ZNF805: variants seen among roughly 807,000 people sequenced by gnomAD.
ZNF805 encodes CTC-444N24.8.
A neutral mutation model predicts 13.6 loss-of-function variants in ZNF805; 7 were observed. The ratio of observed to expected loss-of-function variants is 0.51; its 90% CI spans 0.29 to 0.97. ZNF805 has a LOEUF of 0.97. Ranked by LOEUF, ZNF805 falls within the 50% of genes least tolerant of loss-of-function variation. The pLI, the probability that ZNF805 is intolerant of heterozygous loss-of-function variation, is 0.08. For synonymous variants in ZNF805, 293 were observed against 279.8 expected, an observed-to-expected ratio of 1.05 and a Z score of -0.47; for missense variants, 604 against 771.0, an observed-to-expected ratio of 0.78 and a Z score of 2.57.
chr19:57,245,564 G>A (rs1161453125), intron 2 of ZNF805, among the ~76,000 whole-genome samples: 2 of 150,310 alleles, frequency 1.3e-5, no homozygotes, highest in East Asian at 2.0e-4. Context: ...CGGATCACAA[G>A]GTCAGGAGAT....
At chr19:57,244,098 T>C in intron 2 of ZNF805, 49 bp downstream of exon 2, 1 of 1,588,434 alleles carries the variant, frequency 6.3e-7, no homozygotes, top group East Asian at 2.2e-5. Flanking sequence ...CCTCCTTCGT[T>C]CCACCCTCTG....
In ZNF805 at chr19:57,254,029, T is replaced by C. The variant is rs2087669868; in HGVS notation, c.1210T>C (p.Cys404Arg). The C allele has an allele frequency of 3.1e-6, 5 of 1,612,976 alleles. No homozygotes were observed. The highest frequency in any genetic ancestry group is 4.2e-6 in the Non-Finnish European group (5 of 1,179,610). Residue 404 changes from cysteine (C) to arginine (R), a missense_variant, in exon 4 of 4, where the codon TGT becomes CGT. Cys to Arg is a radical substitution (Grantham distance 180, BLOSUM62 -3). This residue lies in a region of ZNF805 where 228 missense variants were observed against 352.8 expected (regional missense o/e 0.65). Coordinates refer to ENST00000414468, the MANE Select transcript of ZNF805 (RefSeq NM_001023563.4). ...TGEKPFECLE[C>R]GKAFNHRSYL... ...AGAGAAGCCCTTTGAGTGCCTCGAGTGTGGGAAGGCTTTCAACCACCGATC... is the reference window on the plus strand; with the variant it reads ...AGAGAAGCCCTTTGAGTGCCTCGAGCGTGGGAAGGCTTTCAACCACCGATC...
rs371888285 is a variant in ZNF805 at position 57,251,493 on chromosome 19, AT to A, written c.254-1575del. ...TCTTTGGCTTTCTCTTTTTGATTTT[AT>A]TTTTGTACATTATAGATACCTATCT... On this transcript the variant is annotated intron_variant, in intron 3 of 3. Transcript: ENST00000414468. Among the ~76,000 whole-genome samples, 840 of 151,656 alleles carry A rather than the reference AT, an allele frequency of 5.5e-3. 1 individual carries two copies. The highest frequency in any genetic ancestry group is 9.2e-3 in the Non-Finnish European group (624 of 67,852).
At chr19:57,246,749 C>T (rs963998070) in intron 2 of ZNF805, among the ~76,000 whole-genome samples, 9 of 148,642 alleles carry the variant, frequency 6.1e-5, no homozygotes, top group Non-Finnish European at 1.2e-4. Context: ...GCACTCCAGC[C>T]TGATGACAGA....
At chr19:57,242,019 T>C (rs1269597901) in intron 1 of ZNF805, among the ~76,000 whole-genome samples, 2 of 152,250 alleles carry the variant, frequency 1.3e-5, no homozygotes, top group African/African-American at 2.4e-5. Flanking sequence ...ACTGTAACGG[T>C]TGGCCTTCAT....
rs2087718269 is a variant in ZNF805 at position 57,260,571 on chromosome 19, T to C, written c.*5868T>C. On this transcript the variant is annotated 3_prime_UTR_variant, in exon 4 of 4. Transcript: ENST00000414468. ...TCTGTGAATTCCTGGCTTTTTTCCTTTTTAGGGTCTGTGTCTTTCTTCCAT... is the reference window on the plus strand; with the variant it reads ...TCTGTGAATTCCTGGCTTTTTTCCTCTTTAGGGTCTGTGTCTTTCTTCCAT... 6.6e-6 allele frequency among the ~76,000 whole-genome samples: 1 copy of C among 152,194 alleles called. No individual in the cohort carries two copies. Among genetic ancestry groups the C allele is most frequent in the African/African-American group, 2.4e-5 (1 of 41,456 alleles).
At chr19:57,242,091 C>T (rs941821954) in intron 1 of ZNF805, among the ~76,000 whole-genome samples, 1 of 152,188 alleles carries the variant, frequency 6.6e-6, no homozygotes, top group African/African-American at 2.4e-5. Flanking sequence ...TCCTGATCTC[C>T]TTAAAGTGAC....
In ZNF805 at chr19:57,243,994, G is replaced by A. The variant is rs191990263; in HGVS notation, c.102G>A (p.Gln34=). Residue 34 remains glutamine (Q), a synonymous_variant, in exon 2 of 4, where the codon CAG becomes CAA. Coordinates refer to ENST00000414468, the MANE Select transcript of ZNF805 (RefSeq NM_001023563.4). ...AGTGGGGCCAGCTGGACCTAGCTCA[G>A]CGGACCCTGTACCAGGAGGTGATGC... ...QEEWGQLDLA[Q]RTLYQEVMLE... The A allele has an allele frequency of 3.1e-6, 5 of 1,614,140 alleles. No individual in the cohort carries two copies. Among genetic ancestry groups the A allele is most frequent in the African/African-American group, 2.7e-5 (2 of 75,024 alleles).
Position 57,259,599 on chromosome 19 carries a change from C to T in ZNF805, c.*4896C>T, listed in dbSNP as rs1451397566. On this transcript the variant is annotated 3_prime_UTR_variant, in exon 4 of 4. Coordinates refer to ENST00000414468, the MANE Select transcript of ZNF805 (RefSeq NM_001023563.4). ...TCTGCTCACTGCAAGCTCTGCCTCC[C>T]GGGTTCATGCCATTCTCCTGCCTCA... Among the ~76,000 whole-genome samples, 3 of 152,102 alleles carry T rather than the reference C, an allele frequency of 2.0e-5. No homozygotes were observed. The highest frequency in any genetic ancestry group is 2.9e-5 in the Non-Finnish European group (2 of 68,008).
chr19:57,248,496 G>A (rs928623162), intron 2 of ZNF805, 109 bp from the exon 3 acceptor site: 6 of 1,017,556 alleles, frequency 5.9e-6, no homozygotes, highest in African/African-American at 3.2e-5. Context: ...ATGGATGGGT[G>A]TAGCTTCATT....
rs1342615590 is a variant in ZNF805 at position 57,253,070 on chromosome 19, C to G, written c.254-3C>G. On this transcript the variant is annotated splice_polypyrimidine_tract_variant and splice_region_variant and intron_variant, in intron 3 of 3. Transcript: ENST00000414468. The surrounding 1 kb of genome is among the most constrained non-coding windows in gnomAD (Gnocchi z 4.4). ...GCCCTTCTGTGTGTTGGATTTCTTTCAGGTGACAAAGGAAAACCCAAGAGC... is the reference window on the plus strand; with the variant it reads ...GCCCTTCTGTGTGTTGGATTTCTTTGAGGTGACAAAGGAAAACCCAAGAGC... 26 of 1,430,934 alleles carry G rather than the reference C, an allele frequency of 1.8e-5. No individual in the cohort carries two copies. Among genetic ancestry groups the G allele is most frequent in the Non-Finnish European group, 2.4e-5 (26 of 1,089,962 alleles). The allele number at this position is 1,430,934 out of a possible 1,614,324, so 88.6% of individuals were successfully genotyped here. A position where few individuals can be genotyped will look rare whatever the true frequency, so the allele number is the denominator to read the frequency against.
intron 3 of ZNF805, among the ~76,000 whole-genome samples, chr19:57,251,533 T>C (rs1180551561): frequency 6.6e-6 from 1 of 152,214 alleles, no homozygotes; most frequent in Non-Finnish European, 1.5e-5. Flanking sequence ...ATCAGTTACA[T>C]TTGCTGCCGG....
At chr19:57,242,273 G>T (rs1331615168) in intron 1 of ZNF805, among the ~76,000 whole-genome samples, 2 of 152,242 alleles carry the variant, frequency 1.3e-5, no homozygotes, top group Non-Finnish European at 2.9e-5. Context: ...GAACTTTGCA[G>T]TCTTTCCAGC....
At chr19:57,251,479 C>T (rs1347920078) in intron 3 of ZNF805, among the ~76,000 whole-genome samples, 1 of 151,922 alleles carries the variant, frequency 6.6e-6, no homozygotes, top group Non-Finnish European at 1.5e-5. Flanking sequence ...CTTTGGCTTT[C>T]TCTTTTTGAT....
At position 57,253,009 on chromosome 19, in the gene ZNF805, G is replaced by A; in HGVS notation, c.254-64G>A. The A allele has an allele frequency of 7.6e-7, 1 of 1,309,340 alleles. No individual in the cohort carries two copies. The highest frequency in any genetic ancestry group is 9.9e-7 in the Non-Finnish European group (1 of 1,011,906). 81.1% of individuals were successfully genotyped at this position (1,309,340 alleles called of 1,614,324 possible). On this transcript the variant is annotated intron_variant, in intron 3 of 3. Coordinates refer to ENST00000414468, the MANE Select transcript of ZNF805 (RefSeq NM_001023563.4). This position sits in a 1 kb window ranked among gnomAD's most constrained non-coding sequence, Gnocchi z 4.4. ...TAACTTCATTTTTTTTACTGAAGTG[G>A]TGAGTTTGTTTCTTCTCTTTTTACA...
intron 1 of ZNF805, among the ~76,000 whole-genome samples, chr19:57,242,197 CAT>C (rs2087583890): frequency 6.6e-6 from 1 of 152,222 alleles, no homozygotes; most frequent in Non-Finnish European, 1.5e-5. Flanking sequence ...GTAACAAACT[CAT>C]ATTTAGCGTG....
At chr19:57,247,541 C>T (rs927661159) in intron 2 of ZNF805, among the ~76,000 whole-genome samples, 1 of 152,198 alleles carries the variant, frequency 6.6e-6, no homozygotes, top group African/African-American at 2.4e-5. Flanking sequence ...TATTCGCATC[C>T]CAGGGCTGTT....
At chr19:57,243,898 C>T (rs2087594787) in intron 1 of ZNF805, 25 bp from the exon 2 acceptor site, 1 of 1,614,134 alleles carries the variant, frequency 6.2e-7, no homozygotes, top group Non-Finnish European at 8.5e-7. Flanking sequence ...ACAGCAAACT[C>T]TACTACCTCT....
intron 3 of ZNF805, among the ~76,000 whole-genome samples, chr19:57,251,060 T>A (rs941207915): frequency 6.6e-6 from 1 of 152,246 alleles, no homozygotes; most frequent in African/African-American, 2.4e-5. Context: ...CTTAATTGTT[T>A]ACATGTTTTT....
Sources: allele counts gnomAD v4.1 joint callset (sites outside exome capture counted in the v4.1 genomes callset), GRCh38; gene constraint gnomAD v4.1.1; regional missense constraint gnomAD v4.1.1; non-coding constraint Gnocchi (gnomAD v3.1); transcripts MANE v1.5; gene names NCBI Gene and HGNC (gene_info 2026-07-23, HGNC 2026-07-21).